Variants in MSI2 observed in about 807,000 individuals in gnomAD.
MSI2 encodes musashi RNA binding protein 2.
A neutral mutation model predicts 45.6 loss-of-function variants in MSI2; 17 were observed. The observed-to-expected ratio is 0.37, with a 90% CI of 0.26 to 0.56. MSI2 has a LOEUF of 0.56. Among genes scored for constraint, MSI2 ranks in the 20% least tolerant of loss-of-function variants. The pLI is 0.77. For missense variants in MSI2, 293 were observed against 444.2 expected (o/e 0.66, Z 3.06); for synonymous variants, 156 against 158.2 (o/e 0.99, Z 0.11).
chr17:57,510,163 T>C (rs1047314663), intron 6 of MSI2, among the ~76,000 whole-genome samples: 2 of 152,058 alleles, frequency 1.3e-5, no homozygotes, highest in African/African-American at 2.4e-5. Flanking sequence ...CATAGGACTT[T>C]CAGCCTTTTG....
chr17:57,376,357 G>A (rs946837627), intron 5 of MSI2, among the ~76,000 whole-genome samples: 3 of 152,208 alleles, frequency 2.0e-5, no homozygotes, highest in Non-Finnish European at 4.4e-5. Flanking sequence ...GCAGGTCTGG[G>A]AACCCTATCC....
At chr17:57,631,583 G>C (rs1168121508) in intron 10 of MSI2, 2 of 551,958 alleles carry the variant, frequency 3.6e-6, no homozygotes, top group Admixed American at 6.9e-5. Flanking sequence ...TTCTTTTCTA[G>C]AAAGGCTGGG....
intron 6 of MSI2, among the ~76,000 whole-genome samples, chr17:57,432,320 G>T (rs9893648): frequency 1.3e-5 from 2 of 151,918 alleles, no homozygotes; most frequent in African/African-American, 2.4e-5. Context: ...CCCTCTTTCC[G>T]TGCCTTGTCC....
In MSI2 at chr17:57,256,558, C is replaced by T; in HGVS notation, c.-185C>T. ...GCGGGGCTGAGCTAAGCCGAGCCCA[C>T]GTGTGACGGCTCTCGCCGCTGCCCC... On this transcript the variant is annotated 5_prime_UTR_variant, in exon 1 of 14. It adds an upstream start codon to the 5' untranslated region. Transcript: ENST00000284073. 2.9e-6 allele frequency: 1 copy of T among 341,846 alleles called. No homozygotes were observed. Among genetic ancestry groups the T allele is most frequent in the Non-Finnish European group, 5.0e-6 (1 of 199,662 alleles). The allele number at this position is 341,846 out of a possible 1,614,324, so 21.2% of individuals were successfully genotyped here.
In MSI2 at chr17:57,337,078, G is replaced by A. The variant is rs9906991; in HGVS notation, c.313-64301G>A. 9.8e-3 allele frequency among the ~76,000 whole-genome samples: 1,495 copies of A among 152,304 alleles called. 30 individuals carry two copies. Among genetic ancestry groups the A allele is most frequent in the African/African-American group, 0.034 (1,427 of 41,558 alleles). On this transcript the variant is annotated intron_variant, in intron 5 of 13. Coordinates refer to ENST00000284073, the MANE Select transcript of MSI2 (RefSeq NM_138962.4). ...CCTGTGTCTGCACAGTGTTGTCATT[G>A]TCTCCTCCAGAGCTTGGGCACCACC...
intron 6 of MSI2, among the ~76,000 whole-genome samples, chr17:57,468,520 C>CAAAA (rs56105862): frequency 1.9e-5 from 2 of 104,376 alleles, no homozygotes; most frequent in Non-Finnish European, 3.7e-5. Context: ...GACTCTATCT[C>CAAAA]AAAAAAAAAA....
Position 57,679,745 on chromosome 17 carries a change from A to G in MSI2, c.*228A>G. 2 of 374,936 alleles carry G rather than the reference A, an allele frequency of 5.3e-6. No individual in the cohort carries two copies. Among genetic ancestry groups the G allele is most frequent in the South Asian group, 1.2e-4 (1 of 8,266 alleles). The allele number at this position is 374,936 out of a possible 1,614,324, so 23.2% of individuals were successfully genotyped here. A position where few individuals can be genotyped will look rare whatever the true frequency, so the allele number is the denominator to read the frequency against. ...ATAAGACAACAGCTTTTAAATGTGT[A>G]TATAACCCATGATTTCGGTTTTGTT... On this transcript the variant is annotated 3_prime_UTR_variant, in exon 14 of 14. Coordinates refer to ENST00000284073, the MANE Select transcript of MSI2 (RefSeq NM_138962.4).
In MSI2 at chr17:57,627,576, C is replaced by T. The variant is rs1908925751; in HGVS notation, c.727+273C>T. On this transcript the variant is annotated intron_variant, in intron 10 of 13. Transcript: ENST00000284073. This position sits in a 1 kb window ranked among gnomAD's most constrained non-coding sequence, Gnocchi z 4.6. ...GAGGCAGGAGGCCTCCCTGTGCTCA[C>T]CTCCTTTTTCTGAAGCCTCTTCCGG... is the stretch of plus-strand genomic sequence containing the variant. The T allele has an allele frequency of 2.0e-6, 1 of 506,636 alleles. No homozygotes were observed. Among genetic ancestry groups the T allele is most frequent in the South Asian group, 2.5e-5 (1 of 39,606 alleles). The allele number at this position is 506,636 out of a possible 1,614,324, so 31.4% of individuals were successfully genotyped here.
intron 10 of MSI2, among the ~76,000 whole-genome samples, chr17:57,640,185 G>A (rs905803871): frequency 6.6e-6 from 1 of 152,164 alleles, no homozygotes; most frequent in African/African-American, 2.4e-5. Flanking sequence ...AAGCACTGGG[G>A]CTCCAGGCTC....
intron 7 of MSI2, among the ~76,000 whole-genome samples, chr17:57,593,860 G>A (rs1453906359): frequency 6.6e-6 from 1 of 152,158 alleles, no homozygotes; most frequent in East Asian, 1.9e-4. Context: ...GAAGTGAGGG[G>A]TGAGAGGGAG....
intron 9 of MSI2, among the ~76,000 whole-genome samples, chr17:57,624,745 G>A (rs1238463984): frequency 2.0e-5 from 3 of 152,212 alleles, no homozygotes; most frequent in Non-Finnish European, 4.4e-5. Flanking sequence ...GGTTCTGGGG[G>A]AAGCAAGGGA....
chr17:57,421,913 G>C (rs1158366589), intron 6 of MSI2, among the ~76,000 whole-genome samples: 2 of 152,066 alleles, frequency 1.3e-5, no homozygotes, highest in Non-Finnish European at 2.9e-5. Flanking sequence ...TTGGTGAAAG[G>C]GCATTTGGAG....
chr17:57,468,818 G>A (rs896221833), intron 6 of MSI2, among the ~76,000 whole-genome samples: 1 of 152,114 alleles, frequency 6.6e-6, no homozygotes, highest in Non-Finnish European at 1.5e-5. Context: ...AGCTGAGGAT[G>A]GCGAGCGCTG....
intron 11 of MSI2, among the ~76,000 whole-genome samples, chr17:57,671,946 G>A (rs1912818476): frequency 6.6e-6 from 1 of 152,224 alleles, no homozygotes; most frequent in South Asian, 2.1e-4. Flanking sequence ...ACAGAGAGAA[G>A]TGTCGACTGT....
chr17:57,314,235 A>G (rs1227353553), intron 5 of MSI2, among the ~76,000 whole-genome samples: 1 of 152,122 alleles, frequency 6.6e-6, no homozygotes, highest in Non-Finnish European at 1.5e-5. Context: ...TAATGATCCT[A>G]TTTTAATTTA....
At chr17:57,263,205 C>T (rs1375699221) in intron 5 of MSI2, among the ~76,000 whole-genome samples, 4 of 152,164 alleles carry the variant, frequency 2.6e-5, no homozygotes, top group African/African-American at 7.2e-5. Flanking sequence ...TGTGATGGTA[C>T]TTTGAGAATT....
Position 57,313,846 on chromosome 17 carries a change from A to C in MSI2, c.312+51654A>C, listed in dbSNP as rs144805421. ...CAGGTCAGGGAACCTGGAGGCTCCA[A>C]GGATGACCAAAGAGGCGGGCCTGCT... On this transcript the variant is annotated intron_variant, in intron 5 of 13. Coordinates refer to ENST00000284073, the MANE Select transcript of MSI2 (RefSeq NM_138962.4). Among the ~76,000 whole-genome samples, 843 of 152,330 alleles carry C rather than the reference A, an allele frequency of 5.5e-3. 7 individuals carry two copies. The highest frequency in any genetic ancestry group is 9.0e-3 in the Non-Finnish European group (613 of 68,016).
chr17:57,598,927 T>C (rs1272710018), intron 8 of MSI2, among the ~76,000 whole-genome samples: 2 of 152,318 alleles, frequency 1.3e-5, no homozygotes, highest in East Asian at 3.9e-4. Flanking sequence ...CCTCCCAAAG[T>C]GCTGGGATTA....
intron 5 of MSI2, among the ~76,000 whole-genome samples, chr17:57,271,516 T>G (rs1908370313): frequency 6.6e-6 from 1 of 152,188 alleles, no homozygotes; most frequent in Non-Finnish European, 1.5e-5. Context: ...GTCTTGATGA[T>G]GCATTCTGGG....
Sources: allele counts gnomAD v4.1 joint callset (sites outside exome capture counted in the v4.1 genomes callset), GRCh38; gene constraint gnomAD v4.1.1; non-coding constraint Gnocchi (gnomAD v3.1); transcripts MANE v1.5; gene names NCBI Gene and HGNC (gene_info 2026-07-23, HGNC 2026-07-21).